RLF: variants seen among roughly 807,000 people sequenced by gnomAD.
RLF encodes the protein zinc finger protein Rlf.
RLF carries 7 observed loss-of-function variants against 162.9 expected under a neutral mutation model. That is an observed-to-expected ratio of 0.04 (90% CI 0.02 to 0.08). The LOEUF is 0.08. Among genes scored for constraint, RLF ranks in the 10% least tolerant of loss-of-function variants. RLF has a pLI of 1.00. For synonymous variants in RLF, 782 were observed against 791.5 expected, an observed-to-expected ratio of 0.99 and a Z score of 0.20; for missense variants, 1,664 against 2,244.7, an observed-to-expected ratio of 0.74 and a Z score of 5.23.
At chr1:40,187,719 T>C (rs2124534459) in intron 1 of RLF, among the ~76,000 whole-genome samples, 1 of 152,322 alleles carries the variant, frequency 6.6e-6, no homozygotes, top group African/African-American at 2.4e-5. Context: ...TCTCTCTCTT[T>C]TTTTAAATGT....
intron 6 of RLF, among the ~76,000 whole-genome samples, chr1:40,226,551 C>G (rs1346224081): frequency 2.0e-5 from 3 of 152,132 alleles, no homozygotes; most frequent in Non-Finnish European, 2.9e-5. Flanking sequence ...ATATACTAAC[C>G]AATATGTTGT....
intron 3 of RLF, among the ~76,000 whole-genome samples, chr1:40,191,193 A>G (rs1642552326): frequency 6.6e-6 from 1 of 152,230 alleles, no homozygotes; most frequent in Non-Finnish European, 1.5e-5. Context: ...TCAATATACA[A>G]AACACTATTT....
At chr1:40,228,817 A>C (rs1366967735) in intron 6 of RLF, among the ~76,000 whole-genome samples, 1 of 151,966 alleles carries the variant, frequency 6.6e-6, no homozygotes, top group African/African-American at 2.4e-5. Context: ...ATTTGAGAGA[A>C]GATATTACTC....
At chr1:40,221,672 G>A (rs1441055913) in intron 5 of RLF, among the ~76,000 whole-genome samples, 5 of 151,354 alleles carry the variant, frequency 3.3e-5, no homozygotes, top group Admixed American at 1.3e-4. Flanking sequence ...AGGCCAAGGC[G>A]GGTGAATCAC....
intron 6 of RLF, among the ~76,000 whole-genome samples, chr1:40,229,448 C>CTTTT (rs1005418216): frequency 4.7e-4 from 43 of 90,980 alleles, no homozygotes; most frequent in Non-Finnish European, 5.8e-4. Flanking sequence ...ATTCATTTAT[C>CTTTT]TTTTTTTTTT....
rs895455745 is a variant in RLF, at chr1:40,221,899, C to CAAAAAAAAAAAAAAAAAAAAAA, written c.811-656_811-655insAAAAAAAAAAAAAAAAAAAAAA. Among the ~76,000 whole-genome samples the CAAAAAAAAAAAAAAAAAAAAAA allele has an allele frequency of 1.2e-3, 78 of 65,020 alleles. 2 individuals are homozygous for CAAAAAAAAAAAAAAAAAAAAAA. The highest frequency in any genetic ancestry group is 2.1e-3 in the South Asian group (3 of 1,408). The allele number at this position is 65,020 out of a possible 152,430, so 42.7% of individuals were successfully genotyped here. A position where few individuals can be genotyped will look rare whatever the true frequency, so the allele number is the denominator to read the frequency against. On this transcript the variant is annotated intron_variant, in intron 5 of 7. Transcript: ENST00000372771. Reference sequence around the variant, plus strand: ...TGGGCGACACAGCGAGACTCCGTCTCAAAAAAAAAAAAAAAAAAAGAGAAA... The same window carrying CAAAAAAAAAAAAAAAAAAAAAA: ...TGGGCGACACAGCGAGACTCCGTCTCAAAAAAAAAAAAAAAAAAAAAAAAAAAAAAAAAAAAAAAAAGAGAAA...
At chr1:40,177,492 A>G (rs1398703915) in intron 1 of RLF, among the ~76,000 whole-genome samples, 1 of 151,488 alleles carries the variant, frequency 6.6e-6, no homozygotes, top group Non-Finnish European at 1.5e-5. Context: ...ACGGGGTTTC[A>G]TGGTGTTAGC....
intron 3 of RLF, among the ~76,000 whole-genome samples, chr1:40,192,545 C>G (rs1348955130): frequency 6.6e-6 from 1 of 152,272 alleles, no homozygotes; most frequent in East Asian, 1.9e-4. Context: ...AGGGAAATCT[C>G]TCATATTTCT....
At chr1:40,201,914 C>CT (rs1050100046) in intron 4 of RLF, among the ~76,000 whole-genome samples, 1 of 150,990 alleles carries the variant, frequency 6.6e-6, no homozygotes, top group Admixed American at 6.6e-5. Context: ...CCAAGGAATC[C>CT]TTTTTTTTTC....
At chr1:40,168,332 G>A (rs1172810801) in intron 1 of RLF, among the ~76,000 whole-genome samples, 1 of 152,114 alleles carries the variant, frequency 6.6e-6, no homozygotes. Context: ...TGCAACTTCC[G>A]CCTCCTGGGT....
chr1:40,236,570 G>C lies in RLF; in HGVS notation c.1868G>C (p.Gly623Ala), dbSNP rs753501753. 1.1e-5 allele frequency: 18 copies of C among 1,614,046 alleles called. No individual in the cohort carries two copies. The highest frequency in any genetic ancestry group is 1.4e-5 in the Non-Finnish European group (17 of 1,179,990). The change falls in exon 8 of 8, where the codon GGC becomes GCC. Residue 623 changes from glycine (G) to alanine (A), a missense_variant. Physicochemically the swap from Gly to Ala is moderately conservative, Grantham distance 60. This residue lies in a region of RLF where 50 missense variants were observed against 46.7 expected (regional missense o/e 1.07). Coordinates refer to ENST00000372771, the MANE Select transcript of RLF (RefSeq NM_012421.4). The surrounding 1 kb of genome is among the most constrained non-coding windows in gnomAD (Gnocchi z 7.7). Reference sequence around the variant, plus strand: ...TCTAAAAAGAAATTACTGTTAAAAGGCTCTCAAAAGGGTATTTGTCCTAAG... The same window carrying C: ...TCTAAAAAGAAATTACTGTTAAAAGCCTCTCAAAAGGGTATTTGTCCTAAG... ...DRSKKKLLLK[G>A]SQKGICPKSP...
Position 40,238,131 on chromosome 1 carries a change from T to G in RLF, c.3429T>G (p.Ala1143=), listed in dbSNP as rs755395762. ...AATATGAATTTGTGACCAGAGAGGC[T>G]CTGTTAATGCATTATCTTAAAAAGC... The part of the protein sequence containing the change: ...GCKYEFVTRE[A]LLMHYLKKHN... The change falls in exon 8 of 8, where the codon GCT becomes GCG. Residue 1143 remains alanine, a synonymous_variant. Transcript: ENST00000372771. The surrounding 1 kb of genome is among the most constrained non-coding windows in gnomAD (Gnocchi z 5.2). The G allele has an allele frequency of 6.2e-7, 1 of 1,613,900 alleles. No individual in the cohort carries two copies. The highest frequency in any genetic ancestry group is 1.1e-5 in the South Asian group (1 of 91,012).
rs979675350 is a variant in RLF at position 40,211,715 on chromosome 1, G to A, written c.810+9101G>A. Among the ~76,000 whole-genome samples the A allele has an allele frequency of 3.9e-5, 6 of 151,992 alleles. No individual in the cohort carries two copies. The East Asian group carries it at 7.7e-4, about 20-fold the overall frequency. On this transcript the variant is annotated intron_variant, in intron 5 of 7. Coordinates refer to ENST00000372771, the MANE Select transcript of RLF (RefSeq NM_012421.4). The stretch of plus-strand genomic sequence containing the variant: ...CGGCTCACTGCAACCTCTGCCTCTC[G>A]GGTTCAAGTGATTCTCCTGCTTCAG...
At chr1:40,232,088 A>T (rs2124559949) in intron 7 of RLF, among the ~76,000 whole-genome samples, 1 of 152,182 alleles carries the variant, frequency 6.6e-6, no homozygotes, top group East Asian at 1.9e-4. Context: ...GGCGCCTGTA[A>T]TCCCAGCTAC....
chr1:40,210,512 C>G (rs1642851980), intron 5 of RLF, among the ~76,000 whole-genome samples: 1 of 152,118 alleles, frequency 6.6e-6, no homozygotes, highest in Non-Finnish European at 1.5e-5. Context: ...GAAATAAGAC[C>G]TGTTGGGGTT....
intron 1 of RLF, among the ~76,000 whole-genome samples, chr1:40,179,385 AAGTC>A (rs1394424498): frequency 7.9e-5 from 12 of 152,286 alleles, no homozygotes; most frequent in Non-Finnish European, 1.8e-4. Context: ...GAAGTATTGT[AAGTC>A]AGTCCTTTTA....
chr1:40,227,567 T>C (rs999988807), intron 6 of RLF, among the ~76,000 whole-genome samples: 3 of 152,212 alleles, frequency 2.0e-5, no homozygotes, highest in Admixed American at 6.5e-5. Context: ...TTTACATCAA[T>C]TTATAACTAT....
intron 5 of RLF, among the ~76,000 whole-genome samples, chr1:40,220,585 T>G (rs1642978639): frequency 6.6e-6 from 1 of 152,214 alleles, no homozygotes; most frequent in South Asian, 2.1e-4. Context: ...ACTGCTTCCT[T>G]ACTAACAACC....
chr1:40,218,673 G>C (rs1193926193), intron 5 of RLF, among the ~76,000 whole-genome samples: 2 of 151,368 alleles, frequency 1.3e-5, no homozygotes, highest in Non-Finnish European at 2.9e-5. Context: ...AATCTTTGTG[G>C]CTTCCTTCAG....
Sources: gnomAD v4.1 joint callset for allele counts (sites outside exome capture counted in the v4.1 genomes callset) on GRCh38, gnomAD v4.1.1 for gene constraint, gnomAD v4.1.1 regional missense constraint, Gnocchi (gnomAD v3.1) non-coding constraint, MANE v1.5 for transcripts, NCBI Gene and HGNC (gene_info 2026-07-23, HGNC 2026-07-21) for gene names.